ATP7B: variants seen among roughly 807,000 people sequenced by gnomAD.
The protein encoded by ATP7B is copper-transporting ATPase 2.
Under a neutral mutation model 118.9 loss-of-function variants are expected in ATP7B, and 113 were observed. The ratio of observed to expected loss-of-function variants is 0.95; its 90% CI spans 0.82 to 1.11. The LOEUF is 1.11. Among genes scored for constraint, ATP7B ranks in the 50% most tolerant of loss-of-function variants. The probability of loss-of-function intolerance (pLI) is 0.00; values close to 1 mark genes in which losing one functional copy is unlikely to be tolerated. For synonymous variants in ATP7B, 777 were observed against 727.4 expected (o/e 1.07, Z -1.10); for missense variants, 1,867 against 1,871.4 (o/e 1.00, Z 0.04).
chr13:51,955,930 A>G (rs1958315980), intron 9 of ATP7B, among the ~76,000 whole-genome samples: 1 of 152,198 alleles, frequency 6.6e-6, no homozygotes, highest in South Asian at 2.1e-4. Flanking sequence ...CCAGGGTTCC[A>G]ATCCCAGCTC....
chr13:51,986,171 G>A (rs1952641357), intron 1 of ATP7B, among the ~76,000 whole-genome samples: 1 of 152,068 alleles, frequency 6.6e-6, no homozygotes, highest in South Asian at 2.1e-4. Flanking sequence ...CCGCTAGCCA[G>A]ACTAATAAAG....
Position 51,974,571 on chromosome 13 carries a change from A to G in ATP7B, c.649T>C (p.Leu217=), listed in dbSNP as rs951152326. The G allele has an allele frequency of 1.2e-6, 2 of 1,614,156 alleles. No individual in the cohort carries two copies. The highest frequency in any genetic ancestry group is 1.7e-6 in the Non-Finnish European group (2 of 1,180,014). ...EAAIKSKVAP[L]SLGPIDIERL... is the part of the protein sequence containing the mutation. ...TCAATATCAATTGGTCCCAGGCTTA[A>G]GGGAGCCACTTTGCTCTTGATGGCA... The change falls in exon 2 of 21, where the codon TTA becomes CTA. Residue 217 remains leucine (L), a synonymous_variant. Coordinates refer to ENST00000242839, the MANE Select transcript of ATP7B (RefSeq NM_000053.4).
intron 2 of ATP7B, among the ~76,000 whole-genome samples, chr13:51,971,281 A>G (rs76365773): frequency 0.013 from 2,054 of 152,364 alleles, 35 homozygotes; most frequent in African/African-American, 0.042. Context: ...TTTACTATAC[A>G]TATGTCATGA....
At position 51,934,528 on chromosome 13, in the gene ATP7B, T is replaced by C. The variant is rs1234778943; in HGVS notation, c.*228A>G. On this transcript the variant is annotated 3_prime_UTR_variant, in exon 21 of 21. Coordinates refer to ENST00000242839, the MANE Select transcript of ATP7B (RefSeq NM_000053.4). ...GGACTAGAGTCCAAGACAAAGCCCA[T>C]GCTGACGGTCCCGTGAGGCCAAGAG... 8 of 635,894 alleles carry C rather than the reference T, an allele frequency of 1.3e-5. No homozygotes were observed. In the Admixed American group the frequency reaches 2.1e-4, roughly 17 times the overall value. The allele number at this position is 635,894 out of a possible 1,614,324, so 39.4% of individuals were successfully genotyped here.
At chr13:51,939,326 G>GT (rs879534243) in intron 16 of ATP7B, 133 bp from the exon 17 acceptor site, 12 of 1,416,190 alleles carry the variant, frequency 8.5e-6, no homozygotes, top group African/African-American at 4.3e-5. Context: ...ACACAATGTG[G>GT]TTTTTTTGCT....
intron 13 of ATP7B, 147 bp downstream of exon 13, chr13:51,946,134 CTGT>C: frequency 4.7e-6 from 5 of 1,070,778 alleles, no homozygotes; most frequent in Non-Finnish European, 6.6e-6. Context: ...TCTGTTGCTA[CTGT>C]TGTTATTCCC....
intron 1 of ATP7B, among the ~76,000 whole-genome samples, chr13:51,984,101 A>G (rs1261166571): frequency 1.3e-5 from 2 of 152,106 alleles, no homozygotes; most frequent in African/African-American, 4.8e-5. Context: ...GAAGGTGGGT[A>G]ATAAAAAAAC....
intron 1 of ATP7B, chr13:51,975,420 G>A (rs190395034): frequency 8.8e-5 from 58 of 655,904 alleles, no homozygotes; most frequent in Admixed American, 1.8e-4. Flanking sequence ...CACAACAGAC[G>A]TGGAGGATTC....
chr13:51,978,595 A>G (rs1345615472), intron 1 of ATP7B, among the ~76,000 whole-genome samples: 1 of 152,212 alleles, frequency 6.6e-6, no homozygotes, highest in Non-Finnish European at 1.5e-5. Context: ...AGAAACATCA[A>G]TGTCCATCAA....
chr13:51,947,667 A>T (rs1957751194), intron 12 of ATP7B, among the ~76,000 whole-genome samples: 1 of 152,192 alleles, frequency 6.6e-6, no homozygotes, highest in Admixed American at 6.5e-5. Context: ...AGGTAGAGGG[A>T]TATATTAAGA....
intron 14 of ATP7B, 78 bp from the exon 15 acceptor site, chr13:51,942,632 G>T: frequency 6.4e-7 from 1 of 1,567,552 alleles, no homozygotes; most frequent in Non-Finnish European, 8.7e-7. Context: ...GGCAGGACAG[G>T]GACACAGGGT....
intron 3 of ATP7B, among the ~76,000 whole-genome samples, chr13:51,970,276 A>C (rs1398845162): frequency 2.0e-5 from 3 of 152,222 alleles, no homozygotes; most frequent in Non-Finnish European, 4.4e-5. Flanking sequence ...TTCAATGGCT[A>C]ACTTACTCAG....
rs975678311 is a variant in ATP7B, at chr13:51,974,621, T to C, written c.599A>G (p.His200Arg). Residue 200 changes from histidine to arginine, a missense_variant, in exon 2 of 21, where the codon CAT becomes CGT. Physicochemically the swap from His to Arg is conservative, Grantham distance 29. Coordinates refer to ENST00000242839, the MANE Select transcript of ATP7B (RefSeq NM_000053.4). ...YLIQPEDLRD[H>R]VNDMGFEAAI... ...AGCTTCAAATCCCATGTCATTTACATGGTCCCTGAGGTCTTCGGGCTGAAT... is the reference window on the plus strand; with the variant it reads ...AGCTTCAAATCCCATGTCATTTACACGGTCCCTGAGGTCTTCGGGCTGAAT... The C allele has an allele frequency of 1.2e-6, 2 of 1,613,490 alleles. No individual in the cohort carries two copies. The highest frequency in any genetic ancestry group is 2.7e-5 in the African/African-American group (2 of 74,848).
At chr13:51,956,125 A>C (rs1324571778) in intron 9 of ATP7B, among the ~76,000 whole-genome samples, 9 of 152,200 alleles carry the variant, frequency 5.9e-5, no homozygotes, top group African/African-American at 2.2e-4. Context: ...CTCAGTTGCC[A>C]GTCCTACAAT....
rs1593651766 is a variant in ATP7B, at chr13:51,939,042, G to A, written c.3699+9C>T. The A allele has an allele frequency of 1.2e-6, 2 of 1,614,120 alleles. No homozygotes were observed. The highest frequency in any genetic ancestry group is 1.7e-5 in the Admixed American group (1 of 60,014). On this transcript the variant is annotated intron_variant, in intron 17 of 20. Transcript: ENST00000242839. ...GCTTTACACAGTTTGCAACATTAAA[G>A]GGCTGTACCTGGGTGGCAATAGCTC...
At chr13:51,990,905 C>G (rs190952914) in intron 1 of ATP7B, among the ~76,000 whole-genome samples, 8 of 152,144 alleles carry the variant, frequency 5.3e-5, no homozygotes, top group African/African-American at 1.9e-4. Flanking sequence ...CTGGACAACA[C>G]GGTGAAACCT....
At chr13:51,982,004 A>AT (rs1952446036) in intron 1 of ATP7B, among the ~76,000 whole-genome samples, 1 of 121,650 alleles carries the variant, frequency 8.2e-6, no homozygotes, top group Non-Finnish European at 1.9e-5. Flanking sequence ...TTTGGGTGTG[A>AT]ATTTTTTTTT....
At chr13:51,968,863 C>CTTTTTT (rs201291586) in intron 3 of ATP7B, among the ~76,000 whole-genome samples, 2 of 128,648 alleles carry the variant, frequency 1.6e-5, no homozygotes, top group Non-Finnish European at 3.4e-5. Flanking sequence ...TTTCTTTTTT[C>CTTTTTT]TTTTTTTTTT....
intron 1 of ATP7B, among the ~76,000 whole-genome samples, chr13:52,002,402 A>T (rs1245093421): frequency 6.7e-6 from 1 of 149,716 alleles, no homozygotes; most frequent in African/African-American, 2.5e-5. Context: ...TCTCTAAAAA[A>T]AAAAATGTTT....
Sources: gnomAD v4.1 joint callset for allele counts (sites outside exome capture counted in the v4.1 genomes callset) on GRCh38, gnomAD v4.1.1 for gene constraint, MANE v1.5 for transcripts, NCBI Gene and HGNC (gene_info 2026-07-23, HGNC 2026-07-21) for gene names.